TAF3: variants seen among roughly 807,000 people sequenced by gnomAD.
The protein encoded by TAF3 is TATA-box binding protein associated factor 3.
Under a neutral mutation model 80.6 loss-of-function variants are expected in TAF3, and 7 were observed. The ratio of observed to expected loss-of-function variants is 0.09; its 90% CI spans 0.05 to 0.16. TAF3 has a LOEUF of 0.16. Ranked by LOEUF, TAF3 falls within the 10% of genes least tolerant of loss-of-function variation. TAF3 has a pLI of 1.00. For missense variants in TAF3, 921 were observed against 1,140.2 expected (o/e 0.81, Z 2.77); for synonymous variants, 444 against 446.1 (o/e 1.00, Z 0.06).
At chr10:7,831,542 C>T (rs1158088037) in intron 2 of TAF3, among the ~76,000 whole-genome samples, 1 of 152,130 alleles carries the variant, frequency 6.6e-6, no homozygotes, top group Non-Finnish European at 1.5e-5. Context: ...GGCGAGGTTT[C>T]ACCATGTTGG....
chr10:7,937,308 A>G (rs898242787), intron 2 of TAF3, among the ~76,000 whole-genome samples: 1 of 152,212 alleles, frequency 6.6e-6, no homozygotes, highest in Non-Finnish European at 1.5e-5. Context: ...CTGGCAATGA[A>G]TGAGAGTTCC....
At chr10:7,948,565 T>C (rs1829695813) in intron 2 of TAF3, among the ~76,000 whole-genome samples, 1 of 152,228 alleles carries the variant, frequency 6.6e-6, no homozygotes, top group South Asian at 2.1e-4. Flanking sequence ...CCTGAATTGC[T>C]TGTTTTGTGG....
chr10:7,889,849 C>T (rs1018615678), intron 2 of TAF3, among the ~76,000 whole-genome samples: 3 of 152,112 alleles, frequency 2.0e-5, no homozygotes, highest in African/African-American at 7.2e-5. Context: ...AGTTGTACCT[C>T]CTAAATATTA....
chr10:8,004,757 A>G (rs1831976240), intron 4 of TAF3, among the ~76,000 whole-genome samples: 1 of 152,108 alleles, frequency 6.6e-6, no homozygotes, highest in Non-Finnish European at 1.5e-5. Context: ...GTGCCTAGAT[A>G]TAGATTTATT....
chr10:7,864,254 A>G (rs1837187180), intron 2 of TAF3, among the ~76,000 whole-genome samples: 1 of 151,980 alleles, frequency 6.6e-6, no homozygotes. Context: ...CCTTACCCCA[A>G]CCTGTGGCAA....
chr10:7,997,941 G>T (rs192492718), intron 4 of TAF3, among the ~76,000 whole-genome samples: 1 of 152,056 alleles, frequency 6.6e-6, no homozygotes, highest in African/African-American at 2.4e-5. Flanking sequence ...TCTCACAAGT[G>T]ATGAAAAATT....
At position 7,964,790 on chromosome 10, in the gene TAF3, C is replaced by T. The variant is rs755767216; in HGVS notation, c.1280C>T (p.Ser427Leu). The T allele has an allele frequency of 6.2e-7, 1 of 1,614,178 alleles. No homozygotes were observed. Among genetic ancestry groups the T allele is most frequent in the South Asian group, 1.1e-5 (1 of 91,080 alleles). Residue 427 changes from serine to leucine, a missense_variant, in exon 3 of 7, where the codon TCA becomes TTA. Physicochemically the swap from Ser to Leu is moderately radical, Grantham distance 145. This residue lies in a region of TAF3 where 743 missense variants were observed against 821.0 expected (regional missense o/e 0.90). Transcript: ENST00000344293. The surrounding 1 kb of genome is among the most constrained non-coding windows in gnomAD (Gnocchi z 4.1). ...GDIFTSPKRI[S>L]GPECTTPKAS... Reference sequence around the variant, plus strand: ...ATTTTTACTAGCCCTAAGAGAATTTCAGGCCCGGAGTGTACTACTCCCAAA... The same window carrying T: ...ATTTTTACTAGCCCTAAGAGAATTTTAGGCCCGGAGTGTACTACTCCCAAA...
chr10:7,882,595 CAG>C (rs1398335301), intron 2 of TAF3, among the ~76,000 whole-genome samples: 1 of 152,110 alleles, frequency 6.6e-6, no homozygotes, highest in African/African-American at 2.4e-5. Context: ...GAAAATTACT[CAG>C]GGGTATACTT....
intron 4 of TAF3, among the ~76,000 whole-genome samples, chr10:7,991,212 C>T (rs2131428410): frequency 6.6e-6 from 1 of 152,148 alleles, no homozygotes; most frequent in East Asian, 1.9e-4. Flanking sequence ...TACATACATA[C>T]ACATCCGTAT....
chr10:7,888,305 A>G (rs111451726), intron 2 of TAF3, among the ~76,000 whole-genome samples: 51 of 152,236 alleles, frequency 3.4e-4, no homozygotes, highest in African/African-American at 1.1e-3. Context: ...CTTTTCAACA[A>G]TGGTTTCCAG....
intron 5 of TAF3, among the ~76,000 whole-genome samples, chr10:8,013,113 A>G (rs1832070036): frequency 6.6e-6 from 1 of 152,194 alleles, no homozygotes; most frequent in African/African-American, 2.4e-5. Flanking sequence ...TGGCCTCCCT[A>G]TCCCCTTATT....
At chr10:7,925,959 A>C (rs944334111) in intron 2 of TAF3, among the ~76,000 whole-genome samples, 1 of 152,170 alleles carries the variant, frequency 6.6e-6, no homozygotes, top group Admixed American at 6.5e-5. Flanking sequence ...CATGCCTGTA[A>C]TCCTAGCACT....
At chr10:8,006,209 C>G (rs1035818196) in intron 4 of TAF3, among the ~76,000 whole-genome samples, 1 of 151,198 alleles carries the variant, frequency 6.6e-6, no homozygotes. Flanking sequence ...CACACACACA[C>G]ACACACACAC....
chr10:7,867,538 G>C (rs1837225518), intron 2 of TAF3, among the ~76,000 whole-genome samples: 1 of 152,202 alleles, frequency 6.6e-6, no homozygotes, highest in South Asian at 2.1e-4. Context: ...AGTTCTGGAG[G>C]GTGTGTAGAA....
intron 2 of TAF3, among the ~76,000 whole-genome samples, chr10:7,849,267 A>G (rs1354022655): frequency 6.6e-6 from 1 of 152,138 alleles, no homozygotes; most frequent in Non-Finnish European, 1.5e-5. Flanking sequence ...TTGAATTCAG[A>G]CAGTCTGACT....
intron 2 of TAF3, among the ~76,000 whole-genome samples, chr10:7,883,848 G>A (rs1414929238): frequency 6.6e-6 from 1 of 152,180 alleles, no homozygotes; most frequent in African/African-American, 2.4e-5. Context: ...TATGGTTATG[G>A]CAGTTGGGAA....
intron 2 of TAF3, among the ~76,000 whole-genome samples, chr10:7,923,409 G>C (rs1277770583): frequency 6.6e-6 from 1 of 151,862 alleles, no homozygotes; most frequent in Non-Finnish European, 1.5e-5. Flanking sequence ...GTGTCCTTTG[G>C]GGTGGGGTGG....
intron 2 of TAF3, among the ~76,000 whole-genome samples, chr10:7,887,229 A>AT (rs1296916159): frequency 7.3e-6 from 1 of 137,532 alleles, no homozygotes; most frequent in African/African-American, 2.6e-5. Context: ...CAGACTCTGT[A>AT]TTTAAAAAAA....
At chr10:7,966,608 C>T (rs1383988409) in intron 3 of TAF3, among the ~76,000 whole-genome samples, 2 of 152,168 alleles carry the variant, frequency 1.3e-5, no homozygotes. Context: ...AGTGCCACCC[C>T]AGAGCTCCTG....
Sources: gnomAD v4.1 joint callset for allele counts (sites outside exome capture counted in the v4.1 genomes callset) on GRCh38, gnomAD v4.1.1 for gene constraint, gnomAD v4.1.1 regional missense constraint, Gnocchi (gnomAD v3.1) non-coding constraint, MANE v1.5 for transcripts, NCBI Gene and HGNC (gene_info 2026-07-23, HGNC 2026-07-21) for gene names.